Variants in RBFOX1 observed in about 807,000 individuals in gnomAD.
RBFOX1 encodes the protein RNA binding protein fox-1 homolog 1.
RBFOX1 carries 8 observed loss-of-function variants against 57.7 expected under a neutral mutation model. The ratio of observed to expected loss-of-function variants is 0.14; its 90% confidence interval spans 0.08 to 0.25. The LOEUF (loss-of-function observed/expected upper bound fraction) is 0.25, where lower values mean the gene tolerates loss of function less well. RBFOX1 is among the 10% of genes least tolerant of loss of function. RBFOX1 has a pLI of 1.00. For missense variants in RBFOX1, 611 were observed against 548.5 expected (o/e 1.11, Z -1.14); for synonymous variants, 326 against 222.4 (o/e 1.47, Z -4.15).
chr16:5,996,277 A>G (rs1354335568), intron 4 of RBFOX1, among the ~76,000 whole-genome samples: 1 of 152,124 alleles, frequency 6.6e-6, no homozygotes, highest in Non-Finnish European at 1.5e-5. Flanking sequence ...CATCCGCACC[A>G]TGGCATTCAT....
At chr16:7,662,101 C>A (rs1316575831) in intron 12 of RBFOX1, among the ~76,000 whole-genome samples, 2 of 152,304 alleles carry the variant, frequency 1.3e-5, no homozygotes, top group Admixed American at 1.3e-4. Flanking sequence ...TTGGCCCACA[C>A]CCATGCCATG....
At chr16:5,698,532 A>G (rs907261026) in intron 3 of RBFOX1, among the ~76,000 whole-genome samples, 1 of 151,978 alleles carries the variant, frequency 6.6e-6, no homozygotes, top group Admixed American at 6.6e-5. Flanking sequence ...TTTATAGTTT[A>G]TTTTTTGATT....
chr16:5,432,635 C>CT (rs1254724405), intron 1 of RBFOX1, among the ~76,000 whole-genome samples: 1 of 142,732 alleles, frequency 7.0e-6, no homozygotes, highest in Non-Finnish European at 1.5e-5. Flanking sequence ...AATCACTTCG[C>CT]TTTTTTCTGG....
intron 3 of RBFOX1, among the ~76,000 whole-genome samples, chr16:7,037,212 C>T (rs1054974581): frequency 6.7e-6 from 1 of 149,526 alleles, no homozygotes; most frequent in Non-Finnish European, 1.5e-5. Flanking sequence ...GAATGCAGCC[C>T]AGTAGGTCTT....
At chr16:6,960,234 G>C (rs2153544482) in intron 3 of RBFOX1, among the ~76,000 whole-genome samples, 1 of 152,264 alleles carries the variant, frequency 6.6e-6, no homozygotes, top group Non-Finnish European at 1.5e-5. Context: ...GACCCATTTA[G>C]ATTAAGTAAA....
intron 3 of RBFOX1, among the ~76,000 whole-genome samples, chr16:6,711,237 C>T (rs981023276): frequency 2.0e-5 from 3 of 152,190 alleles, no homozygotes; most frequent in Non-Finnish European, 2.9e-5. Context: ...ATCGCATCCT[C>T]CTCCTAACTC....
At chr16:5,303,588 G>A (rs1055081471) in intron 1 of RBFOX1, among the ~76,000 whole-genome samples, 1 of 152,060 alleles carries the variant, frequency 6.6e-6, no homozygotes, top group African/African-American at 2.4e-5. Flanking sequence ...TGCTTCTGAT[G>A]TTGAGGGGCT....
At chr16:6,511,337 A>T (rs768521518) in intron 2 of RBFOX1, among the ~76,000 whole-genome samples, 2 of 152,184 alleles carry the variant, frequency 1.3e-5, no homozygotes, top group African/African-American at 4.8e-5. Context: ...AATCTCTTCT[A>T]TGCTTTTTCT....
chr16:6,790,810 G>C (rs1156619087), intron 3 of RBFOX1, among the ~76,000 whole-genome samples: 2 of 152,010 alleles, frequency 1.3e-5, no homozygotes, highest in African/African-American at 2.4e-5. Flanking sequence ...CTAGAGGGTG[G>C]TATTTATTTT....
intron 4 of RBFOX1, among the ~76,000 whole-genome samples, chr16:7,348,296 C>A (rs905067741): frequency 2.0e-5 from 3 of 152,146 alleles, no homozygotes; most frequent in Non-Finnish European, 2.9e-5. Flanking sequence ...ATTTTCTTCC[C>A]TAAATAATTC....
At chr16:5,810,380 C>T (rs1433799437) in intron 3 of RBFOX1, among the ~76,000 whole-genome samples, 1 of 152,042 alleles carries the variant, frequency 6.6e-6, no homozygotes, top group Non-Finnish European at 1.5e-5. Context: ...AGGAGAGAGG[C>T]CTCAGAATAA....
chr16:5,697,958 A>C (rs926947663), intron 3 of RBFOX1, among the ~76,000 whole-genome samples: 3 of 152,210 alleles, frequency 2.0e-5, no homozygotes, highest in African/African-American at 7.2e-5. Context: ...GTAGGTATTA[A>C]GTTTTATGAA....
chr16:7,559,122 A>G (rs2089634390), intron 5 of RBFOX1, among the ~76,000 whole-genome samples: 1 of 152,230 alleles, frequency 6.6e-6, no homozygotes, highest in African/African-American at 2.4e-5. Flanking sequence ...GGTTTAGGCA[A>G]AGATAACAAA....
At chr16:6,336,428 C>G (rs2083763110) in intron 2 of RBFOX1, among the ~76,000 whole-genome samples, 1 of 151,348 alleles carries the variant, frequency 6.6e-6, no homozygotes, top group Non-Finnish European at 1.5e-5. Flanking sequence ...AAATGGGGAC[C>G]CTATGGCTCT....
chr16:6,532,114 C>G (rs368133942), intron 2 of RBFOX1, among the ~76,000 whole-genome samples: 30 of 152,150 alleles, frequency 2.0e-4, no homozygotes, highest in East Asian at 9.7e-4. Context: ...ATTGGCCAGA[C>G]TTAGGCAATA....
Position 6,742,785 on chromosome 16 carries a change from G to C in RBFOX1, c.-16+88135G>C, listed in dbSNP as rs2072590983. Among the ~76,000 whole-genome samples the C allele has an allele frequency of 2.6e-5, 4 of 152,166 alleles. No individual in the cohort carries two copies. The South Asian group carries it at 8.3e-4, about 31-fold the overall frequency. ...CATTTATATAACACTTTGACCATGA[G>C]AGAAGTATAAAGATTTGGACATAGT... On this transcript the variant is annotated intron_variant, in intron 3 of 15. Transcript: ENST00000550418.
At chr16:6,961,116 C>T (rs78298406) in intron 3 of RBFOX1, among the ~76,000 whole-genome samples, 4,495 of 130,960 alleles carry the variant, frequency 0.034, 249 homozygotes, top group African/African-American at 0.11. Context: ...GCATTCCAGC[C>T]TGGGCAATAG....
intron 1 of RBFOX1, among the ~76,000 whole-genome samples, chr16:5,462,849 G>A (rs540391474): frequency 1.3e-5 from 2 of 152,212 alleles, no homozygotes; most frequent in African/African-American, 4.8e-5. Context: ...CAGGGGCACT[G>A]CTAAAGGTCC....
intron 3 of RBFOX1, among the ~76,000 whole-genome samples, chr16:6,921,693 G>T (rs1441763666): frequency 1.3e-5 from 2 of 150,968 alleles, no homozygotes; most frequent in African/African-American, 4.9e-5. Flanking sequence ...AGTATGGCAG[G>T]CAGAGGTGAT....
Sources: gnomAD v4.1 joint callset for allele counts (sites outside exome capture counted in the v4.1 genomes callset) on GRCh38, gnomAD v4.1.1 for gene constraint, MANE v1.5 for transcripts, NCBI Gene and HGNC (gene_info 2026-07-23, HGNC 2026-07-21) for gene names.